ACSL5: variants seen among roughly 807,000 people sequenced by gnomAD.
The protein encoded by ACSL5 is acyl-CoA synthetase long chain family member 5.
A neutral mutation model predicts 84.9 loss-of-function variants in ACSL5; 50 were observed. That is an observed-to-expected ratio of 0.59 (90% CI 0.47 to 0.75). The LOEUF is 0.75. Ranked by LOEUF, ACSL5 falls within the 30% of genes least tolerant of loss-of-function variation. The pLI is 0.00. For synonymous variants in ACSL5, 280 were observed against 300.7 expected (o/e 0.93, Z 0.71); for missense variants, 775 against 830.4 (o/e 0.93, Z 0.82).
At chr10:112,414,103 T>C (rs970543884) in intron 12 of ACSL5, among the ~76,000 whole-genome samples, 1 of 152,212 alleles carries the variant, frequency 6.6e-6, no homozygotes, top group African/African-American at 2.4e-5. Context: ...GCTAGTCATG[T>C]TGATGACTAG....
chr10:112,410,537 A>C lies in ACSL5; in HGVS notation c.744+42A>C, dbSNP rs202070118. The C allele has an allele frequency of 4.4e-5, 71 of 1,613,996 alleles. 1 individual carries two copies. The highest frequency in any genetic ancestry group is 5.3e-5 in the Non-Finnish European group (63 of 1,179,970). On this transcript the variant is annotated intron_variant, in intron 8 of 20. Transcript: ENST00000354655. Reference sequence around the variant, plus strand: ...CTGAATTTGAGCCTTGCCATAGTCAACTCTCAAAGTTCATGGTGGAATAAG... The same window carrying C: ...CTGAATTTGAGCCTTGCCATAGTCACCTCTCAAAGTTCATGGTGGAATAAG...
chr10:112,381,665 C>CAAAAAAA (rs35097669), intron 1 of ACSL5, among the ~76,000 whole-genome samples: 1 of 104,822 alleles, frequency 9.5e-6, no homozygotes, highest in African/African-American at 3.7e-5. Context: ...GAGACTGTCT[C>CAAAAAAA]AAAAAAAAAA....
chr10:112,426,693 C>A, intron 19 of ACSL5, 95 bp from the exon 20 acceptor site: 1 of 1,076,208 alleles, frequency 9.3e-7, no homozygotes, highest in Non-Finnish European at 1.4e-6. Context: ...TGCTTTCATA[C>A]TGCATGGCTT....
At chr10:112,414,372 T>TG in intron 12 of ACSL5, among the ~76,000 whole-genome samples, 1 of 147,692 alleles carries the variant, frequency 6.8e-6, no homozygotes, top group East Asian at 2.0e-4. Flanking sequence ...TTTTTTTTTT[T>TG]TGAGACAGAG....
chr10:112,397,174 T>TC (rs1003638100), intron 2 of ACSL5, among the ~76,000 whole-genome samples: 30 of 150,932 alleles, frequency 2.0e-4, no homozygotes, highest in Middle Eastern at 3.4e-3. Flanking sequence ...TTTTTCTTTT[T>TC]TTTTTTTTTT....
Position 112,376,777 on chromosome 10 carries a change from G to T in ACSL5, c.-30+2508G>T, listed in dbSNP as rs530785739. Among the ~76,000 whole-genome samples, 46 of 152,170 alleles carry T rather than the reference G, an allele frequency of 3.0e-4. No individual in the cohort carries two copies. The South Asian group carries it at 8.3e-3, about 28-fold the overall frequency. ...ATAGCTCCCCTGAGGTGGGCTGGGG[G>T]TTTGCCCTCAATTTTATGTTGGGTA... is the stretch of plus-strand genomic sequence containing the variant. On this transcript the variant is annotated intron_variant, in intron 1 of 20. Transcript: ENST00000354655.
intron 1 of ACSL5, chr10:112,376,207 G>A: frequency 6.8e-7 from 1 of 1,480,280 alleles, no homozygotes; most frequent in South Asian, 1.3e-5. Flanking sequence ...TTAAAACCAG[G>A]AAGTGAAGTC....
intron 1 of ACSL5, among the ~76,000 whole-genome samples, chr10:112,391,812 A>G (rs1391475056): frequency 6.6e-6 from 1 of 152,320 alleles, no homozygotes; most frequent in East Asian, 1.9e-4. Context: ...GAATTCTGAC[A>G]ATCTGTGACC....
rs993003838 is a variant in ACSL5, at chr10:112,426,922, C to T, written c.1911+63C>T. Reference sequence around the variant, plus strand: ...AGAAAGTTTTGTTTAAAGTTTCCATCTAATGAGGTTTAAATGTATAATTTC... The same window carrying T: ...AGAAAGTTTTGTTTAAAGTTTCCATTTAATGAGGTTTAAATGTATAATTTC... On this transcript the variant is annotated intron_variant, in intron 20 of 20. Coordinates refer to ENST00000354655, the MANE Select transcript of ACSL5 (RefSeq NM_203379.2). 2.3e-6 allele frequency: 3 copies of T among 1,326,496 alleles called. No individual in the cohort carries two copies. In the African/African-American group the frequency reaches 4.4e-5, roughly 19 times the overall value. The allele number at this position is 1,326,496 out of a possible 1,614,324, so 82.2% of individuals were successfully genotyped here.
chr10:112,414,923 C>A (rs1028432127), intron 12 of ACSL5, among the ~76,000 whole-genome samples: 10 of 152,134 alleles, frequency 6.6e-5, no homozygotes, highest in Non-Finnish European at 1.5e-5. Flanking sequence ...AACCCTCCCC[C>A]ACCTCCCCAA....
Position 112,421,967 on chromosome 10 carries a change from G to T in ACSL5, c.1408G>T (p.Ala470Ser), listed in dbSNP as rs920157648. ...WTSGHVGVPL[A>S]CNYVKLEDVA... ...TCTAGGTCACGTTGGGGTGCCCCTGGCTTGCAATTACGTGAAGCTGGAAGA... is the reference window on the plus strand; with the variant it reads ...TCTAGGTCACGTTGGGGTGCCCCTGTCTTGCAATTACGTGAAGCTGGAAGA... The change falls in exon 16 of 21, where the codon GCT (alanine) becomes TCT (serine). Residue 470 changes from alanine (A) to serine (S), a missense_variant. Ala to Ser is a moderately conservative substitution (Grantham distance 99). Transcript: ENST00000354655. 6.2e-7 allele frequency: 1 copy of T among 1,614,170 alleles called. No homozygotes were observed. Among genetic ancestry groups the T allele is most frequent in the Non-Finnish European group, 8.5e-7 (1 of 1,180,030 alleles).
chr10:112,383,552 G>A (rs1260784444), intron 1 of ACSL5, among the ~76,000 whole-genome samples: 2 of 152,220 alleles, frequency 1.3e-5, no homozygotes, highest in Admixed American at 6.5e-5. Context: ...TAGAGAAATG[G>A]ATGAAAAAGG....
At chr10:112,415,357 G>A (rs1466436462) in intron 12 of ACSL5, among the ~76,000 whole-genome samples, 2 of 152,030 alleles carry the variant, frequency 1.3e-5, no homozygotes, top group Non-Finnish European at 2.9e-5. Flanking sequence ...CCACCACCAC[G>A]ACCGGCTAAT....
chr10:112,401,968 T>TCC (rs1198572464), intron 3 of ACSL5, among the ~76,000 whole-genome samples: 6 of 149,934 alleles, frequency 4.0e-5, no homozygotes, highest in African/African-American at 1.5e-4. Flanking sequence ...TCTCTCTCTC[T>TCC]CCTTCTGTCT....
chr10:112,380,978 C>T (rs1849337913), intron 1 of ACSL5, among the ~76,000 whole-genome samples: 1 of 152,132 alleles, frequency 6.6e-6, no homozygotes, highest in African/African-American at 2.4e-5. Context: ...CTATGTTGCT[C>T]AGGCTGGTCT....
intron 2 of ACSL5, chr10:112,396,251 G>C (rs1388147510): frequency 6.6e-6 from 1 of 151,940 alleles, no homozygotes; most frequent in Non-Finnish European, 1.5e-5. Flanking sequence ...ATCTTTCTTT[G>C]TTCTTTCCTC....
At chr10:112,422,261 A>G in intron 16 of ACSL5, 64 bp from the exon 17 acceptor site, 1 of 1,415,984 alleles carries the variant, frequency 7.1e-7, no homozygotes, top group Non-Finnish European at 9.9e-7. Context: ...GGTGTTTCAT[A>G]AACTGCCCAC....
Position 112,421,657 on chromosome 10 carries a change from G to A in ACSL5, c.1379G>A (p.Trp460Ter). The A allele has an allele frequency of 6.2e-7, 1 of 1,613,352 alleles. No homozygotes were observed. The highest frequency in any genetic ancestry group is 8.5e-7 in the Non-Finnish European group (1 of 1,179,292). The change falls in exon 15 of 21, where the codon TGG becomes TAG. Residue 460 changes from tryptophan (W) to a stop codon, truncating the protein, a stop_gained. Coordinates refer to ENST00000354655, the MANE Select transcript of ACSL5 (RefSeq NM_203379.2). LOFTEE classifies it high-confidence loss of function. Reference protein sequence around the residue: ...GGCTFTLPGDWTSGHVGVPLA... With the variant: ...GGCTFTLPGD Reference sequence around the variant, plus strand: ...TGTACATTTACATTACCTGGGGACTGGACATCAGGTAAGTCCTCCATCTGC... The same window carrying A: ...TGTACATTTACATTACCTGGGGACTAGACATCAGGTAAGTCCTCCATCTGC...
intron 2 of ACSL5, among the ~76,000 whole-genome samples, chr10:112,397,169 CTT>C (rs141789967): frequency 0.47 from 65,662 of 139,572 alleles, 15,436 homozygotes; most frequent in South Asian, 0.58. Context: ...CTCCCTTTTT[CTT>C]TTTTTTTTTT....
Sources: allele counts gnomAD v4.1 joint callset (sites outside exome capture counted in the v4.1 genomes callset), GRCh38; gene constraint gnomAD v4.1.1; transcripts MANE v1.5; gene names NCBI Gene and HGNC (gene_info 2026-07-23, HGNC 2026-07-21).